Variants in PAPPA2 observed in about 807,000 individuals in gnomAD.
The protein encoded by PAPPA2 is pappalysin-2.
Under a neutral mutation model 176.4 loss-of-function variants are expected in PAPPA2, and 86 were observed. That is an observed-to-expected ratio of 0.49 (90% confidence interval 0.41 to 0.58). The LOEUF is 0.58. PAPPA2 is among the 20% of genes least tolerant of loss of function. The probability of loss-of-function intolerance (pLI) is 0.00; values close to 1 mark genes in which losing one functional copy is unlikely to be tolerated. For missense variants in PAPPA2, 2,073 were observed against 2,256.9 expected (o/e 0.92, Z 1.65); for synonymous variants, 809 against 852.2 (o/e 0.95, Z 0.88).
At chr1:176,758,745 G>C (rs1663555677) in intron 14 of PAPPA2, among the ~76,000 whole-genome samples, 1 of 152,136 alleles carries the variant, frequency 6.6e-6, no homozygotes, top group Non-Finnish European at 1.5e-5. Context: ...CTGAAAAGTT[G>C]GGACATTACG....
intron 12 of PAPPA2, among the ~76,000 whole-genome samples, chr1:176,731,499 A>G (rs954945720): frequency 9.9e-5 from 15 of 151,774 alleles, no homozygotes; most frequent in African/African-American, 3.6e-4. Flanking sequence ...TTCAGTAGAG[A>G]CGGGGTTTCA....
intron 2 of PAPPA2, among the ~76,000 whole-genome samples, chr1:176,570,903 T>A (rs763048009): frequency 7.9e-5 from 12 of 151,936 alleles, no homozygotes; most frequent in Non-Finnish European, 7.4e-5. Flanking sequence ...TGTGAACATC[T>A]CCTCTCCTGA....
chr1:176,732,993 T>C (rs1662232077), intron 12 of PAPPA2, among the ~76,000 whole-genome samples: 1 of 152,110 alleles, frequency 6.6e-6, no homozygotes, highest in African/African-American at 2.4e-5. Context: ...TAGGTGCTCA[T>C]AGGAGAGCAA....
intron 21 of PAPPA2, among the ~76,000 whole-genome samples, chr1:176,803,963 GT>G (rs1376293043): frequency 6.6e-6 from 1 of 152,086 alleles, no homozygotes; most frequent in Non-Finnish European, 1.5e-5. Context: ...TTGAATATTT[GT>G]CCCACCTGTG....
At chr1:176,800,222 T>C (rs10913256) in intron 21 of PAPPA2, 90 bp downstream of exon 21, 251,169 of 1,239,902 alleles carry the variant, frequency 0.2, 29,459 homozygotes, top group African/African-American at 0.44. Flanking sequence ...TAGGACCTGG[T>C]CCCTCTCCTA....
At chr1:176,725,621 A>C (rs1661830476) in intron 12 of PAPPA2, among the ~76,000 whole-genome samples, 2 of 152,232 alleles carry the variant, frequency 1.3e-5, no homozygotes, top group South Asian at 2.1e-4. Flanking sequence ...CTGATTGGAC[A>C]TAAGGAGATA....
intron 2 of PAPPA2, among the ~76,000 whole-genome samples, chr1:176,560,308 C>G (rs997953438): frequency 5.3e-5 from 8 of 152,174 alleles, no homozygotes; most frequent in Non-Finnish European, 8.8e-5. Context: ...CACATTCTTC[C>G]AAAATAGAAA....
chr1:176,626,783 A>G (rs1656048216), intron 3 of PAPPA2, among the ~76,000 whole-genome samples: 2 of 151,966 alleles, frequency 1.3e-5, no homozygotes, highest in Admixed American at 6.6e-5. Context: ...GCACAAGGTG[A>G]TGAGAAATCT....
chr1:176,631,133 A>G (rs946872768), intron 3 of PAPPA2, among the ~76,000 whole-genome samples: 10 of 152,222 alleles, frequency 6.6e-5, no homozygotes, highest in African/African-American at 2.4e-4. Context: ...GGAATTTAGA[A>G]TAAGAGAATT....
intron 2 of PAPPA2, among the ~76,000 whole-genome samples, chr1:176,560,195 A>G (rs935313526): frequency 9.2e-5 from 14 of 152,220 alleles, no homozygotes; most frequent in African/African-American, 3.1e-4. Context: ...GTGAAAGGGC[A>G]AAAGTGACAT....
intron 12 of PAPPA2, among the ~76,000 whole-genome samples, chr1:176,726,898 A>G (rs776201491): frequency 1.1e-4 from 16 of 152,022 alleles, no homozygotes; most frequent in Non-Finnish European, 2.2e-4. Context: ...GACTCAGCTG[A>G]CTCCTTCTGT....
chr1:176,755,764 T>A (rs1663386112), intron 14 of PAPPA2, among the ~76,000 whole-genome samples: 2 of 152,050 alleles, frequency 1.3e-5, no homozygotes, highest in Non-Finnish European at 2.9e-5. Flanking sequence ...CAGTCAAAAA[T>A]TTGCCTATAA....
chr1:176,527,767 C>T (rs1165665220), intron 1 of PAPPA2, among the ~76,000 whole-genome samples: 1 of 152,118 alleles, frequency 6.6e-6, no homozygotes, highest in African/African-American at 2.4e-5. Flanking sequence ...AAACCCTCCA[C>T]CAAGACTGGT....
chr1:176,540,367 T>A (rs924395913), intron 1 of PAPPA2, among the ~76,000 whole-genome samples: 2 of 152,216 alleles, frequency 1.3e-5, no homozygotes, highest in African/African-American at 2.4e-5. Flanking sequence ...CAAAAATCAC[T>A]CTGTCTTTGA....
intron 5 of PAPPA2, chr1:176,690,934 A>C: frequency 3.1e-6 from 3 of 968,018 alleles, no homozygotes; most frequent in Non-Finnish European, 3.7e-6. Context: ...AAAAAAAATC[A>C]GATTCTCTTT....
At chr1:176,534,484 T>C (rs1011592017) in intron 1 of PAPPA2, among the ~76,000 whole-genome samples, 1 of 152,214 alleles carries the variant, frequency 6.6e-6, no homozygotes, top group Non-Finnish European at 1.5e-5. Context: ...AAAGAATGTA[T>C]TGTAAGGATC....
intron 1 of PAPPA2, among the ~76,000 whole-genome samples, chr1:176,545,518 A>G (rs1313247118): frequency 6.6e-6 from 1 of 152,148 alleles, no homozygotes; most frequent in African/African-American, 2.4e-5. Context: ...CATAATCAAT[A>G]TAGTATAACA....
At chr1:176,702,474 G>A in intron 8 of PAPPA2, 133 bp from the exon 9 acceptor site, 1 of 1,309,250 alleles carries the variant, frequency 7.6e-7, no homozygotes, top group Non-Finnish European at 1.0e-6. Context: ...CTTTGTTTTA[G>A]ACAATGCAGC....
At position 176,636,861 on chromosome 1, in the gene PAPPA2, A is replaced by T. The variant is rs148446713; in HGVS notation, c.1992-34109A>T. On this transcript the variant is annotated intron_variant, in intron 3 of 22. Transcript: ENST00000367662. ...CCTATGTTCTTCATTAGAGATAAAA[A>T]GCAGTAAGGCATGTATGCAATGAGC... Among the ~76,000 whole-genome samples the T allele has an allele frequency of 3.9e-4, 60 of 152,262 alleles. 1 individual carries two copies. The East Asian group carries it at 0.011, about 27-fold the overall frequency.
Sources: allele counts gnomAD v4.1 joint callset (sites outside exome capture counted in the v4.1 genomes callset), GRCh38; gene constraint gnomAD v4.1.1; transcripts MANE v1.5; gene names NCBI Gene and HGNC (gene_info 2026-07-23, HGNC 2026-07-21).